Variants in TENM3 observed in about 807,000 individuals in gnomAD.
TENM3 encodes the protein teneurin transmembrane protein 3, also known as teneurin-3.
In TENM3, 63 loss-of-function variants were observed where a neutral mutation model predicts 255.1. That is an observed-to-expected ratio of 0.25 (90% CI 0.20 to 0.30). The LOEUF (loss-of-function observed/expected upper bound fraction) is 0.30. TENM3 is among the 10% of genes least tolerant of loss of function. The pLI, the probability that TENM3 is intolerant of heterozygous loss-of-function variation, is 1.00. For synonymous variants in TENM3, 1,306 were observed against 1,322.3 expected, an observed-to-expected ratio of 0.99 and a Z score of 0.27; for missense variants, 2,929 against 3,461.1, an observed-to-expected ratio of 0.85 and a Z score of 3.86.
At chr4:182,765,318 C>T (rs1029322207) in intron 22 of TENM3, among the ~76,000 whole-genome samples, 1 of 152,158 alleles carries the variant, frequency 6.6e-6, no homozygotes, top group Non-Finnish European at 1.5e-5. Flanking sequence ...TTTCCTGTGG[C>T]TTCATAATAA....
chr4:182,416,677 G>C (rs1770382411), intron 3 of TENM3, among the ~76,000 whole-genome samples: 1 of 152,050 alleles, frequency 6.6e-6, no homozygotes, highest in South Asian at 2.1e-4. Flanking sequence ...GTCACAATTG[G>C]CTTCCCAAAG....
chr4:181,483,332 C>T, the TENM3 span, among the ~76,000 whole-genome samples: 2 of 152,018 alleles, frequency 1.3e-5, no homozygotes, highest in African/African-American at 4.8e-5. Context: ...TTTGTTGTCG[C>T]AATTAGTACG....
At chr4:181,669,637 C>T in the TENM3 span, among the ~76,000 whole-genome samples, 7 of 152,104 alleles carry the variant, frequency 4.6e-5, no homozygotes. Context: ...AGACCAGATA[C>T]CCCCAGCGTA....
the TENM3 span, among the ~76,000 whole-genome samples, chr4:181,782,009 G>C: frequency 9.8e-5 from 15 of 152,288 alleles, no homozygotes; most frequent in South Asian, 2.9e-3. Flanking sequence ...TGTGCTGCTG[G>C]ATTCGGTTTG....
chr4:182,312,984 A>G (rs1343921304), intron 1 of TENM3, among the ~76,000 whole-genome samples: 1 of 152,198 alleles, frequency 6.6e-6, no homozygotes, highest in East Asian at 1.9e-4. Context: ...TTTTCTTTCC[A>G]TAATTTTTAT....
At chr4:181,615,760 GT>G in the TENM3 span, among the ~76,000 whole-genome samples, 7 of 152,198 alleles carry the variant, frequency 4.6e-5, no homozygotes, top group Non-Finnish European at 1.0e-4. Context: ...AGTTGATTGT[GT>G]TCGTCGTGAT....
the TENM3 span, among the ~76,000 whole-genome samples, chr4:181,523,954 C>CT: frequency 6.6e-5 from 10 of 152,050 alleles, no homozygotes; most frequent in South Asian, 1.0e-3. Flanking sequence ...TGTTGGTTTC[C>CT]TTTTTTTTAA....
At chr4:181,619,312 GT>G in the TENM3 span, among the ~76,000 whole-genome samples, 1 of 152,042 alleles carries the variant, frequency 6.6e-6, no homozygotes, top group African/African-American at 2.4e-5. Flanking sequence ...CTGTGATCCT[GT>G]TTGTGTGATC....
At chr4:182,196,604 T>C (rs1217034886) in intron 1 of TENM3, among the ~76,000 whole-genome samples, 1 of 152,146 alleles carries the variant, frequency 6.6e-6, no homozygotes, top group Admixed American at 6.5e-5. Flanking sequence ...CATTTGAGCT[T>C]AAGCCCTCGG....
At chr4:182,769,959 AC>A (rs1424594119) in intron 22 of TENM3, among the ~76,000 whole-genome samples, 3 of 147,152 alleles carry the variant, frequency 2.0e-5, no homozygotes, top group Non-Finnish European at 4.5e-5. Flanking sequence ...TACAAAAATT[AC>A]CTGGGCGTGG....
the TENM3 span, among the ~76,000 whole-genome samples, chr4:181,930,695 C>T: frequency 4.6e-5 from 7 of 152,168 alleles, no homozygotes; most frequent in African/African-American, 1.7e-4. Context: ...ATACCAAAAC[C>T]TGGCAGACAC....
Position 182,504,518 on chromosome 4 carries a change from T to G in TENM3, c.512-96406T>G, listed in dbSNP as rs772960169. Reference sequence around the variant, plus strand: ...GCTATACAAGATATGTTTTGGTTGGTGATGCCACCCTCTGTGAATAGGTGA... The same window carrying G: ...GCTATACAAGATATGTTTTGGTTGGGGATGCCACCCTCTGTGAATAGGTGA... On this transcript the variant is annotated intron_variant, in intron 3 of 27. Coordinates refer to ENST00000511685, the MANE Select transcript of TENM3 (RefSeq NM_001080477.4). Among the ~76,000 whole-genome samples, 145 of 152,330 alleles carry G rather than the reference T, an allele frequency of 9.5e-4. 2 individuals carry two copies. The highest frequency in any genetic ancestry group is 1.3e-3 in the Non-Finnish European group (90 of 68,030).
the TENM3 span, among the ~76,000 whole-genome samples, chr4:181,605,549 AG>A: frequency 3.5e-5 from 1 of 28,626 alleles, no homozygotes; most frequent in South Asian, 1.8e-3. Context: ...AAAGAAAGAA[AG>A]AAAGAAAGAA....
the TENM3 span, among the ~76,000 whole-genome samples, chr4:182,002,242 T>TGACCA: frequency 1.3e-5 from 2 of 152,098 alleles, no homozygotes; most frequent in Admixed American, 1.3e-4. Context: ...ACTCATTTAT[T>TGACCA]GGTCTTTCAC....
chr4:181,634,732 T>G, the TENM3 span, among the ~76,000 whole-genome samples: 11 of 152,354 alleles, frequency 7.2e-5, no homozygotes, highest in East Asian at 2.1e-3. Flanking sequence ...TATAGCCATT[T>G]CCTTAATGAA....
intron 12 of TENM3, among the ~76,000 whole-genome samples, chr4:182,691,970 A>G (rs17073852): frequency 0.11 from 16,105 of 151,528 alleles, 1,121 homozygotes; most frequent in South Asian, 0.14. Flanking sequence ...GATTATACTC[A>G]TGTGCTGCCA....
the TENM3 span, among the ~76,000 whole-genome samples, chr4:181,524,910 ATT>A: frequency 7.9e-5 from 12 of 152,150 alleles, no homozygotes; most frequent in Admixed American, 3.3e-4. Context: ...AGAAGTTTTC[ATT>A]GTGGTTTGCC....
At chr4:182,638,674 G>A (rs936771764) in intron 5 of TENM3, among the ~76,000 whole-genome samples, 33 of 152,156 alleles carry the variant, frequency 2.2e-4, no homozygotes, top group Admixed American at 6.5e-5. Context: ...TGACTTATCC[G>A]GGAGGGAATT....
At chr4:182,112,182 TTTTCTCCTTTCTTCCAAA>T in the TENM3 span, among the ~76,000 whole-genome samples, 2 of 152,014 alleles carry the variant, frequency 1.3e-5, no homozygotes, top group Non-Finnish European at 2.9e-5. Flanking sequence ...ATGACTACAT[TTTTCTCCTTTCTTCCAAA>T]TATTGGACTT....
Sources: allele counts gnomAD v4.1 joint callset (sites outside exome capture counted in the v4.1 genomes callset), GRCh38; gene constraint gnomAD v4.1.1; transcripts MANE v1.5; gene names NCBI Gene and HGNC (gene_info 2026-07-23, HGNC 2026-07-21).